Variants in LINGO2 observed in about 807,000 individuals in gnomAD.
The protein encoded by LINGO2 is leucine rich repeat and Ig domain containing 2.
LINGO2 carries 14 observed loss-of-function variants against 30.6 expected under a neutral mutation model. That is an observed-to-expected ratio of 0.46 (90% CI 0.30 to 0.72). LINGO2 has a LOEUF of 0.72. Ranked by LOEUF, LINGO2 falls within the 30% of genes least tolerant of loss-of-function variation. The pLI is 0.07. For synonymous variants in LINGO2, 317 were observed against 288.5 expected (o/e 1.10, Z -1.00); for missense variants, 729 against 751.7 (o/e 0.97, Z 0.35).
chr9:28,506,489 C>G lies in LINGO2; in HGVS notation c.-364-30464G>C, dbSNP rs374255644. Among the ~76,000 whole-genome samples, 115 of 78,968 alleles carry G rather than the reference C, an allele frequency of 1.5e-3. 21 individuals carry two copies. Among genetic ancestry groups the G allele is most frequent in the Admixed American group, 3.7e-3 (23 of 6,202 alleles). The allele number at this position is 78,968 out of a possible 152,430, so 51.8% of individuals were successfully genotyped here. ...ACACACACACACACACATACACATA[C>G]ACACACACACACAGACATATATATA... On this transcript the variant is annotated intron_variant, in intron 1 of 5. Coordinates refer to ENST00000379992, the Ensembl canonical transcript of LINGO2.
intron 3 of LINGO2, among the ~76,000 whole-genome samples, chr9:28,297,727 C>T (rs151032069): frequency 1.3e-5 from 2 of 152,320 alleles, no homozygotes; most frequent in East Asian, 3.9e-4. Context: ...ACTCTTATAT[C>T]TTCTTCCACA....
At chr9:28,507,240 T>TGTGTGTGTGC (rs5897306) in intron 1 of LINGO2, among the ~76,000 whole-genome samples, 5,044 of 149,932 alleles carry the variant, frequency 0.034, 136 homozygotes, top group Non-Finnish European at 0.049. Context: ...TGTGTGTGCG[T>TGTGTGTGTGC]GCGTGCGCAC....
At chr9:28,088,481 T>A (rs1043142075) in intron 4 of LINGO2, among the ~76,000 whole-genome samples, 2 of 152,038 alleles carry the variant, frequency 1.3e-5, no homozygotes, top group African/African-American at 4.8e-5. Context: ...CTGATTCTGG[T>A]TTTCTTCCCT....
chr9:27,939,730 T>G, the LINGO2 span: 1 of 152,214 alleles, frequency 6.6e-6, no homozygotes, highest in East Asian at 1.9e-4. Context: ...TAATAGCCCA[T>G]GGCTAAAGGA....
intron 2 of LINGO2, among the ~76,000 whole-genome samples, chr9:28,454,186 T>G (rs758233477): frequency 6.6e-6 from 1 of 152,080 alleles, no homozygotes; most frequent in African/African-American, 2.4e-5. Flanking sequence ...TTCACTTTAT[T>G]AACTCTCAGA....
At chr9:28,883,628 G>GTGTGTATATATATATA in the LINGO2 span, among the ~76,000 whole-genome samples, 2 of 64,178 alleles carry the variant, frequency 3.1e-5, no homozygotes, top group Admixed American at 2.0e-4. Context: ...ATGTGTGTGT[G>GTGTGTATATATATATA]TATATATATA....
chr9:28,523,124 C>G (rs532738890), intron 1 of LINGO2, among the ~76,000 whole-genome samples: 1 of 151,522 alleles, frequency 6.6e-6, no homozygotes, highest in South Asian at 2.1e-4. Context: ...AAAATAAATT[C>G]AATAAATTTA....
intron 1 of LINGO2, among the ~76,000 whole-genome samples, chr9:28,568,611 A>G (rs1427455159): frequency 1.3e-5 from 2 of 152,090 alleles, no homozygotes; most frequent in African/African-American, 4.8e-5. Context: ...AAGACTTGTC[A>G]CATATAAGAA....
chr9:28,163,964 A>C (rs2133613033), intron 4 of LINGO2, among the ~76,000 whole-genome samples: 1 of 152,352 alleles, frequency 6.6e-6, no homozygotes, highest in East Asian at 1.9e-4. Context: ...GATGTAAATA[A>C]GTCACAGCTT....
At chr9:28,466,310 T>C (rs1825301597) in intron 2 of LINGO2, among the ~76,000 whole-genome samples, 1 of 152,216 alleles carries the variant, frequency 6.6e-6, no homozygotes, top group Non-Finnish European at 1.5e-5. Context: ...TCCCATCATT[T>C]GCAGTGACAT....
At chr9:29,161,691 G>A in the LINGO2 span, among the ~76,000 whole-genome samples, 1 of 152,002 alleles carries the variant, frequency 6.6e-6, no homozygotes, top group Non-Finnish European at 1.5e-5. Context: ...GCTGATCTAG[G>A]AATAACACTT....
At chr9:29,185,710 T>C in the LINGO2 span, among the ~76,000 whole-genome samples, 43 of 152,280 alleles carry the variant, frequency 2.8e-4, no homozygotes, top group Middle Eastern at 3.4e-3. Context: ...GTAGAGTGAA[T>C]TGGGAAAACT....
the LINGO2 span, among the ~76,000 whole-genome samples, chr9:28,897,642 C>G: frequency 1.3e-5 from 2 of 151,964 alleles, no homozygotes; most frequent in African/African-American, 4.8e-5. Context: ...AGTTATGCAA[C>G]CTTCTATGCC....
chr9:28,907,686 T>A, the LINGO2 span, among the ~76,000 whole-genome samples: 5 of 151,710 alleles, frequency 3.3e-5, no homozygotes, highest in African/African-American at 9.7e-5. Flanking sequence ...AAATGCATTT[T>A]GAAATGAGAA....
At chr9:28,473,184 C>G (rs562166246) in intron 2 of LINGO2, among the ~76,000 whole-genome samples, 5 of 134,450 alleles carry the variant, frequency 3.7e-5, no homozygotes, top group East Asian at 2.3e-4. Context: ...GACCATTAGC[C>G]CTTGGTTCTA....
chr9:28,885,062 A>G, the LINGO2 span, among the ~76,000 whole-genome samples: 1 of 130,276 alleles, frequency 7.7e-6, no homozygotes, highest in African/African-American at 2.9e-5. Context: ...GAAACCTCAA[A>G]ATCAAAATTT....
At chr9:29,035,697 A>C in the LINGO2 span, among the ~76,000 whole-genome samples, 1 of 151,734 alleles carries the variant, frequency 6.6e-6, no homozygotes, top group African/African-American at 2.4e-5. Context: ...AAGGAAAATA[A>C]ATGATGTTAA....
chr9:29,188,163 C>CG, the LINGO2 span, among the ~76,000 whole-genome samples: 2 of 151,094 alleles, frequency 1.3e-5, no homozygotes, highest in Non-Finnish European at 3.0e-5. Flanking sequence ...GAGGACCCTG[C>CG]GGCCTTCCGC....
the LINGO2 span, among the ~76,000 whole-genome samples, chr9:29,154,251 C>G: frequency 6.6e-6 from 1 of 151,778 alleles, no homozygotes; most frequent in East Asian, 1.9e-4. Context: ...TGAGACCATC[C>G]TGGCAAACAC....
Sources: gnomAD v4.1 joint callset for allele counts (sites outside exome capture counted in the v4.1 genomes callset) on GRCh38, gnomAD v4.1.1 for gene constraint, MANE v1.5 for transcripts, NCBI Gene and HGNC (gene_info 2026-07-23, HGNC 2026-07-21) for gene names.